SLC38A4: variants seen among roughly 807,000 people sequenced by gnomAD.
SLC38A4 encodes the protein sodium-coupled neutral amino acid transporter 4.
In SLC38A4, 20 loss-of-function variants were observed where a neutral mutation model predicts 63.1. That is an observed-to-expected ratio of 0.32 (90% CI 0.22 to 0.46). The LOEUF is 0.46. SLC38A4 is among the 20% of genes least tolerant of loss of function. The probability of loss-of-function intolerance (pLI) is 1.00; values close to 1 mark genes in which losing one functional copy is unlikely to be tolerated. For missense variants in SLC38A4, 526 were observed against 663.6 expected (o/e 0.79, Z 2.28); for synonymous variants, 230 against 225.5 (o/e 1.02, Z -0.18).
At chr12:46,797,282 T>C (rs1939030106) in intron 2 of SLC38A4, among the ~76,000 whole-genome samples, 2 of 152,064 alleles carry the variant, frequency 1.3e-5, no homozygotes, top group South Asian at 4.1e-4. Flanking sequence ...TTTGAATCAA[T>C]AGACTGAGTA....
intron 6 of SLC38A4, among the ~76,000 whole-genome samples, 194 bp downstream of exon 6, chr12:46,784,908 ACC>A (rs1229648989): frequency 2.3e-4 from 35 of 152,254 alleles, no homozygotes; most frequent in African/African-American, 8.2e-4. Flanking sequence ...TTTGTCTTGA[ACC>A]TGAGCCAGTT....
At position 46,777,024 on chromosome 12, in the gene SLC38A4, C is replaced by A. The variant is rs1305829962; in HGVS notation, c.1074-20G>T. 3.2e-6 allele frequency: 5 copies of A among 1,578,456 alleles called. 1 individual carries two copies. The South Asian group carries it at 4.6e-5, about 15-fold the overall frequency. On this transcript the variant is annotated intron_variant, in intron 12 of 16. Transcript: ENST00000266579. ...GACCGACTGGAAAAAGAAAGAACAC[C>A]AAGCTTTGTTTTTTAAACTTACAAA...
intron 1 of SLC38A4, among the ~76,000 whole-genome samples, chr12:46,804,296 G>A (rs369034166): frequency 6.6e-6 from 1 of 151,636 alleles, no homozygotes; most frequent in Non-Finnish European, 1.5e-5. Context: ...CATTTTAAAA[G>A]AATTTTTAAG....
At chr12:46,823,629 T>A (rs1939592107) in intron 1 of SLC38A4, among the ~76,000 whole-genome samples, 1 of 152,250 alleles carries the variant, frequency 6.6e-6, no homozygotes, top group Non-Finnish European at 1.5e-5. Context: ...GGCTCCAGAC[T>A]GACTGTTTCG....
intron 3 of SLC38A4, among the ~76,000 whole-genome samples, chr12:46,789,336 TG>T (rs1366867934): frequency 6.6e-6 from 1 of 152,156 alleles, no homozygotes; most frequent in African/African-American, 2.4e-5. Context: ...AAAATGTACA[TG>T]GATTATTAAC....
Position 46,788,543 on chromosome 12 carries a change from A to G in SLC38A4, c.195T>C (p.Asp65=). Residue 65 remains aspartate, a synonymous_variant, in exon 4 of 17, where the codon GAT becomes GAC. Transcript: ENST00000266579. ...NGFLGKKKLA[D]YADEHHPGTT... ...ATTCACTTACGTGTTCATCAGCATAATCTGCCAGCTTCTTTTTCCCCAAAA... is the reference window on the plus strand; with the variant it reads ...ATTCACTTACGTGTTCATCAGCATAGTCTGCCAGCTTCTTTTTCCCCAAAA... 1 of 1,613,512 alleles carries G rather than the reference A, an allele frequency of 6.2e-7. No homozygotes were observed. The highest frequency in any genetic ancestry group is 8.5e-7 in the Non-Finnish European group (1 of 1,179,780).
intron 5 of SLC38A4, among the ~76,000 whole-genome samples, chr12:46,786,427 C>G (rs1457290071): frequency 1.3e-5 from 2 of 152,010 alleles, no homozygotes; most frequent in African/African-American, 4.8e-5. Context: ...TGTTTATAAG[C>G]CTAAAATGAG....
At chr12:46,797,341 A>G (rs1939032359) in intron 2 of SLC38A4, among the ~76,000 whole-genome samples, 1 of 152,182 alleles carries the variant, frequency 6.6e-6, no homozygotes, top group Non-Finnish European at 1.5e-5. Context: ...CAAACACTCC[A>G]GGTTCCACAT....
At chr12:46,830,304 A>ATT (rs1565682500), upstream of SLC38A4, among the ~76,000 whole-genome samples, 56 of 145,666 alleles carry the variant, frequency 3.8e-4, no homozygotes, top group Non-Finnish European at 7.3e-4. Context: ...TCTCTCACAC[A>ATT]CACACACACA....
intron 2 of SLC38A4, among the ~76,000 whole-genome samples, chr12:46,797,623 T>C (rs1228985761): frequency 6.6e-6 from 1 of 152,152 alleles, no homozygotes; most frequent in Non-Finnish European, 1.5e-5. Flanking sequence ...ATAAATGTCA[T>C]CTTATATCTA....
chr12:46,806,883 G>T (rs1939243806), intron 1 of SLC38A4, among the ~76,000 whole-genome samples: 1 of 151,668 alleles, frequency 6.6e-6, no homozygotes, highest in Non-Finnish European at 1.5e-5. Context: ...CATTGAGTAA[G>T]AAATTTTCTT....
At chr12:46,824,743 G>C (rs1333228624) in intron 1 of SLC38A4, among the ~76,000 whole-genome samples, 3 of 152,172 alleles carry the variant, frequency 2.0e-5, no homozygotes, top group Admixed American at 2.0e-4. Context: ...AGTGGTTGCC[G>C]GGGTAGCGAG....
intron 1 of SLC38A4, among the ~76,000 whole-genome samples, chr12:46,819,320 G>A (rs1307557915): frequency 6.6e-6 from 1 of 151,278 alleles, no homozygotes; most frequent in Non-Finnish European, 1.5e-5. Flanking sequence ...GAGAGAGAGA[G>A]AATATGAGAA....
intron 1 of SLC38A4, among the ~76,000 whole-genome samples, chr12:46,809,188 G>C (rs1430838140): frequency 6.6e-6 from 1 of 151,982 alleles, no homozygotes; most frequent in Non-Finnish European, 1.5e-5. Context: ...GACTTTAAAA[G>C]CAAGGGGGCC....
chr12:46,810,449 G>A (rs919978956), intron 1 of SLC38A4, among the ~76,000 whole-genome samples: 2 of 151,674 alleles, frequency 1.3e-5, no homozygotes, highest in Non-Finnish European at 2.9e-5. Context: ...TAGGTGACAG[G>A]TTGATGGGTG....
At position 46,765,410 on chromosome 12, in the gene SLC38A4, T is replaced by G. The variant is rs572518522; in HGVS notation, c.*1291A>C. 2 of 335,568 alleles carry G rather than the reference T, an allele frequency of 6.0e-6. No individual in the cohort carries two copies. Among genetic ancestry groups the G allele is most frequent in the South Asian group, 4.5e-5 (2 of 44,552 alleles). The allele number at this position is 335,568 out of a possible 1,614,324, so 20.8% of individuals were successfully genotyped here. A position where few individuals can be genotyped will look rare whatever the true frequency, so the allele number is the denominator to read the frequency against. On this transcript the variant is annotated 3_prime_UTR_variant, in exon 17 of 17. Coordinates refer to ENST00000266579, the MANE Select transcript of SLC38A4 (RefSeq NM_018018.5). Reference sequence around the variant, plus strand: ...AACACCTGTGTGAGCTAAACTGAACTAAATCCTATTTTAGATATGCTAAAT... The same window carrying G: ...AACACCTGTGTGAGCTAAACTGAACGAAATCCTATTTTAGATATGCTAAAT...
intron 14 of SLC38A4, among the ~76,000 whole-genome samples, chr12:46,772,964 T>C (rs547688815): frequency 7.2e-5 from 11 of 152,196 alleles, no homozygotes; most frequent in East Asian, 1.9e-4. Context: ...ATTTGACACA[T>C]TGAAAATCTG....
At chr12:46,820,869 C>A (rs1294028657) in intron 1 of SLC38A4, among the ~76,000 whole-genome samples, 3 of 151,812 alleles carry the variant, frequency 2.0e-5, no homozygotes, top group Non-Finnish European at 4.4e-5. Flanking sequence ...TAATAGCCGT[C>A]CTAATGTGTG....
chr12:46,784,720 C>A, intron 6 of SLC38A4, 86 bp from the exon 7 acceptor site: 1 of 1,023,348 alleles, frequency 9.8e-7, no homozygotes, highest in South Asian at 1.6e-5. Context: ...GCTGGAGTCT[C>A]AAACATGTAA....
Sources: gnomAD v4.1 joint callset for allele counts (sites outside exome capture counted in the v4.1 genomes callset) on GRCh38, gnomAD v4.1.1 for gene constraint, MANE v1.5 for transcripts, NCBI Gene and HGNC (gene_info 2026-07-23, HGNC 2026-07-21) for gene names.